PDE1C: variants seen among roughly 807,000 people sequenced by gnomAD.
PDE1C encodes dual specificity calcium/calmodulin-dependent 3',5'-cyclic nucleotide phosphodiesterase 1C.
Under a neutral mutation model 93.1 loss-of-function variants are expected in PDE1C, and 62 were observed. That is an observed-to-expected ratio of 0.67 (90% confidence interval 0.54 to 0.82). PDE1C has a LOEUF of 0.82. PDE1C is among the 40% of genes least tolerant of loss of function. The pLI, the probability that PDE1C is intolerant of heterozygous loss-of-function variation, is 0.00. For missense variants in PDE1C, 742 were observed against 884.6 expected (o/e 0.84, Z 2.04); for synonymous variants, 325 against 310.1 (o/e 1.05, Z -0.50).
chr7:31,671,990 A>G, the PDE1C span, among the ~76,000 whole-genome samples: 1 of 152,156 alleles, frequency 6.6e-6, no homozygotes, highest in Non-Finnish European at 1.5e-5. Context: ...TCAGGCTTCG[A>G]TGATTGATTC....
chr7:31,935,422 C>T (rs1039675511), intron 2 of PDE1C, among the ~76,000 whole-genome samples: 2 of 152,166 alleles, frequency 1.3e-5, no homozygotes, highest in Admixed American at 1.3e-4. Flanking sequence ...GGCACAAGTT[C>T]ATCCTTCTCT....
intron 17 of PDE1C, among the ~76,000 whole-genome samples, chr7:31,772,500 TTC>T (rs142016404): frequency 0.23 from 33,627 of 149,340 alleles, 4,199 homozygotes; most frequent in African/African-American, 0.33. Context: ...GCTTCTGCAG[TTC>T]TCTCTCTCTC....
chr7:32,244,352 C>A (rs1251966386), intron 1 of PDE1C, among the ~76,000 whole-genome samples: 1 of 152,172 alleles, frequency 6.6e-6, no homozygotes, highest in Non-Finnish European at 1.5e-5. Context: ...TACCTAAAGG[C>A]CATGCAGCCA....
At chr7:32,251,309 C>T (rs1809359588) in intron 1 of PDE1C, among the ~76,000 whole-genome samples, 1 of 152,210 alleles carries the variant, frequency 6.6e-6, no homozygotes, top group African/African-American at 2.4e-5. Context: ...CTTTGACCTG[C>T]ACGTTTGAAG....
intron 1 of PDE1C, among the ~76,000 whole-genome samples, chr7:32,293,591 C>T (rs1271556436): frequency 1.3e-5 from 2 of 152,176 alleles, no homozygotes. Context: ...CCCCATTTTA[C>T]ATGTGAGGAA....
At chr7:32,244,274 G>C (rs1808754343) in intron 1 of PDE1C, among the ~76,000 whole-genome samples, 1 of 152,108 alleles carries the variant, frequency 6.6e-6, no homozygotes, top group Non-Finnish European at 1.5e-5. Flanking sequence ...GTTGGCCCTG[G>C]GACAATTGGT....
At chr7:32,312,540 A>G (rs1783070490) in intron 1 of PDE1C, among the ~76,000 whole-genome samples, 2 of 152,238 alleles carry the variant, frequency 1.3e-5, no homozygotes. Flanking sequence ...ACAGCATGGT[A>G]CTGGTACCAA....
chr7:32,409,364 AAAAAG>A (rs1785119722), intron 1 of PDE1C, among the ~76,000 whole-genome samples: 1 of 152,212 alleles, frequency 6.6e-6, no homozygotes, highest in South Asian at 2.1e-4. Flanking sequence ...CTGTCTCAGA[AAAAAG>A]AAAAGAAAAG....
chr7:31,960,480 G>A (rs1210601675), intron 2 of PDE1C, among the ~76,000 whole-genome samples: 1 of 152,170 alleles, frequency 6.6e-6, no homozygotes, highest in Non-Finnish European at 1.5e-5. Context: ...GGAGAAGGGA[G>A]GATACTGTGT....
chr7:31,697,587 G>A, the PDE1C span, among the ~76,000 whole-genome samples: 1 of 152,150 alleles, frequency 6.6e-6, no homozygotes, highest in Non-Finnish European at 1.5e-5. Context: ...ACTGAACTAT[G>A]AGCACAGCCC....
At chr7:32,065,156 C>T (rs1584672035) in intron 1 of PDE1C, among the ~76,000 whole-genome samples, 1 of 152,098 alleles carries the variant, frequency 6.6e-6, no homozygotes, top group African/African-American at 2.4e-5. Flanking sequence ...CATACTCTCT[C>T]CTTAGGGAAT....
At chr7:32,144,031 TC>T (rs1231259641) in intron 3 of PDE1C, among the ~76,000 whole-genome samples, 3 of 151,992 alleles carry the variant, frequency 2.0e-5, no homozygotes, top group Admixed American at 2.0e-4. Context: ...GAGATGGGCA[TC>T]CCAGGCAATG....
At chr7:31,918,454 AG>A (rs890825601) in intron 2 of PDE1C, among the ~76,000 whole-genome samples, 5 of 152,184 alleles carry the variant, frequency 3.3e-5, no homozygotes, top group African/African-American at 1.2e-4. Context: ...CCCAGAGCAA[AG>A]AGGGAGAAAG....
At chr7:31,911,211 C>G (rs890782292) in intron 2 of PDE1C, among the ~76,000 whole-genome samples, 1 of 152,014 alleles carries the variant, frequency 6.6e-6, no homozygotes, top group African/African-American at 2.4e-5. Flanking sequence ...AGATATAAAA[C>G]AATGATCTCA....
At chr7:31,817,985 C>A (rs1398651672) in intron 14 of PDE1C, among the ~76,000 whole-genome samples, 3 of 152,080 alleles carry the variant, frequency 2.0e-5, no homozygotes, top group Non-Finnish European at 4.4e-5. Context: ...CCATCCAAAC[C>A]AATGCCCTAG....
chr7:32,063,664 T>A (rs886664927), intron 1 of PDE1C, among the ~76,000 whole-genome samples: 6 of 152,238 alleles, frequency 3.9e-5, no homozygotes, highest in African/African-American at 1.2e-4. Flanking sequence ...CTTTTGATAT[T>A]CACATTTTTC....
chr7:32,326,054 A>AG (rs1174135031), intron 1 of PDE1C, among the ~76,000 whole-genome samples: 4 of 150,522 alleles, frequency 2.7e-5, no homozygotes, highest in Non-Finnish European at 3.0e-5. Flanking sequence ...CACGGTTGTG[A>AG]GGAAAAAAAA....
intron 1 of PDE1C, among the ~76,000 whole-genome samples, chr7:32,290,222 C>T (rs889029644): frequency 6.6e-6 from 1 of 152,194 alleles, no homozygotes; most frequent in African/African-American, 2.4e-5. Context: ...CTGAGACAGG[C>T]ACTCCAGATC....
At chr7:31,987,080 T>C (rs1386479231) in intron 2 of PDE1C, among the ~76,000 whole-genome samples, 1 of 152,188 alleles carries the variant, frequency 6.6e-6, no homozygotes, top group East Asian at 1.9e-4. Context: ...TCTATGCCTT[T>C]AGTCAGCTGT....
Sources: allele counts gnomAD v4.1 joint callset (sites outside exome capture counted in the v4.1 genomes callset), GRCh38; gene constraint gnomAD v4.1.1; transcripts MANE v1.5; gene names NCBI Gene and HGNC (gene_info 2026-07-23, HGNC 2026-07-21).